The following TAS1R1 variants were observed in gnomAD, a reference collection of about 807,000 sequenced individuals.
TAS1R1 encodes the protein taste 1 receptor member 1, also known as taste receptor type 1 member 1.
A neutral mutation model predicts 45.8 loss-of-function variants in TAS1R1; 31 were observed. The ratio of observed to expected loss-of-function variants is 0.68; its 90% CI spans 0.51 to 0.91. The LOEUF (loss-of-function observed/expected upper bound fraction) is 0.91. Ranked by LOEUF, TAS1R1 falls within the 40% of genes least tolerant of loss-of-function variation. The probability of loss-of-function intolerance (pLI) is 0.00; values close to 1 mark genes in which losing one functional copy is unlikely to be tolerated. For missense variants in TAS1R1, 1,051 were observed against 1,063.9 expected (o/e 0.99, Z 0.17); for synonymous variants, 437 against 448.4 (o/e 0.97, Z 0.32).
chr1:6,558,040 T>TG (rs1639715727), intron 1 of TAS1R1, among the ~76,000 whole-genome samples: 1 of 148,200 alleles, frequency 6.7e-6, no homozygotes, highest in African/African-American at 2.6e-5. Flanking sequence ...TGGTTAGTTT[T>TG]TGTTTTTGTT....
intron 3 of TAS1R1, among the ~76,000 whole-genome samples, chr1:6,575,694 T>TC (rs1557810140): frequency 5.0e-5 from 3 of 59,672 alleles, no homozygotes; most frequent in Non-Finnish European, 4.2e-5. Flanking sequence ...AATTTTTCTT[T>TC]TCTTTTTTTT....
At chr1:6,572,620 C>A (rs1640047703) in intron 2 of TAS1R1, among the ~76,000 whole-genome samples, 1 of 152,060 alleles carries the variant, frequency 6.6e-6, no homozygotes, top group South Asian at 2.1e-4. Context: ...CCCCCCTCAG[C>A]CCCCTGCCCC....
chr1:6,578,334 C>G (rs912186970), intron 5 of TAS1R1, among the ~76,000 whole-genome samples: 6 of 152,314 alleles, frequency 3.9e-5, no homozygotes, highest in African/African-American at 1.4e-4. Context: ...CCCTTGGGAG[C>G]AGGCTGCTCC....
intron 1 of TAS1R1, among the ~76,000 whole-genome samples, chr1:6,559,926 G>A (rs936782385): frequency 1.9e-4 from 29 of 150,610 alleles, no homozygotes; most frequent in Non-Finnish European, 1.6e-4. Flanking sequence ...GTGGGTGGAG[G>A]TTGCAATGAG....
rs760042477 is a variant in TAS1R1 at position 6,579,427 on chromosome 1, C to T, written c.2369C>T (p.Ala790Val). The T allele has an allele frequency of 1.9e-6, 3 of 1,613,948 alleles. No homozygotes were observed. The highest frequency in any genetic ancestry group is 1.1e-5 in the South Asian group (1 of 91,086). The change falls in exon 6 of 6, where the codon GCG becomes GTG. Residue 790 changes from alanine (A) to valine (V), a missense_variant. By Grantham distance (64) the Ala-to-Val change is moderately conservative. Coordinates refer to ENST00000333172, the MANE Select transcript of TAS1R1 (RefSeq NM_138697.4). Reference protein sequence around the residue: ...ASVYDGKYLPAANMMAGLSSL... With the variant: ...ASVYDGKYLPVANMMAGLSSL... ...GTCTACGACGGCAAGTACCTGCCTGCGGCCAACATGATGGCTGGGCTGAGC... is the reference window on the plus strand; with the variant it reads ...GTCTACGACGGCAAGTACCTGCCTGTGGCCAACATGATGGCTGGGCTGAGC...
chr1:6,579,685 G>A lies in TAS1R1; in HGVS notation c.*101G>A. On this transcript the variant is annotated 3_prime_UTR_variant, in exon 6 of 6. Transcript: ENST00000333172. ...GGAGGTCTTTGGGCATCGCGGTCTG[G>A]GGTTGGGACGTGTAAGCGCCTGGGA... 6.8e-7 allele frequency: 1 copy of A among 1,468,156 alleles called. No homozygotes were observed. Among genetic ancestry groups the A allele is most frequent in the South Asian group, 1.4e-5 (1 of 72,590 alleles). The allele number at this position is 1,468,156 out of a possible 1,614,324, so 90.9% of individuals were successfully genotyped here.
At chr1:6,572,067 T>C (rs1161287734) in intron 2 of TAS1R1, among the ~76,000 whole-genome samples, 1 of 151,982 alleles carries the variant, frequency 6.6e-6, no homozygotes, top group Non-Finnish European at 1.5e-5. Flanking sequence ...CCCTCATTCC[T>C]CTCCCTCTTC....
intron 1 of TAS1R1, among the ~76,000 whole-genome samples, chr1:6,557,018 A>G (rs1639699415): frequency 6.6e-6 from 1 of 151,304 alleles, no homozygotes; most frequent in South Asian, 2.1e-4. Flanking sequence ...CAAAAAAAAA[A>G]AAAAAAAAAA....
At position 6,574,918 on chromosome 1, in the gene TAS1R1, C is replaced by A; in HGVS notation, c.786C>A (p.His262Gln). The A allele has an allele frequency of 6.2e-7, 1 of 1,613,962 alleles. No homozygotes were observed. The highest frequency in any genetic ancestry group is 1.3e-5 in the African/African-American group (1 of 75,074). Reference protein sequence around the residue: ...GDERMQCLMRHLAQAGATVVV... With the variant: ...GDERMQCLMRQLAQAGATVVV... ...AGAGGATGCAGTGCCTCATGCGCCACCTGGCCCAGGCCGGGGCCACCGTCG... is the reference window on the plus strand; with the variant it reads ...AGAGGATGCAGTGCCTCATGCGCCAACTGGCCCAGGCCGGGGCCACCGTCG... Residue 262 changes from histidine (H) to glutamine (Q), a missense_variant, in exon 3 of 6, where the codon CAC becomes CAA. Physicochemically the swap from His to Gln is conservative, Grantham distance 24 (BLOSUM62 0). Coordinates refer to ENST00000333172, the MANE Select transcript of TAS1R1 (RefSeq NM_138697.4). The surrounding 1 kb of genome is among the most constrained non-coding windows in gnomAD (Gnocchi z 4.3).
chr1:6,566,251 G>C lies in TAS1R1; in HGVS notation c.192-4658G>C, dbSNP rs148199426. ...GAGTTGCTGTGATTGGAGGGTGTCA[G>C]GGTCAGTCCAGGTGAAGGCAAAGAG... is the stretch of plus-strand genomic sequence containing the variant. On this transcript the variant is annotated intron_variant, in intron 1 of 5. Transcript: ENST00000333172. Among the ~76,000 whole-genome samples, 595 of 152,304 alleles carry C rather than the reference G, an allele frequency of 3.9e-3. 2 individuals are homozygous for C. Among genetic ancestry groups the C allele is most frequent in the Non-Finnish European group, 6.0e-3 (408 of 68,028 alleles).
rs1570141417 is a variant in TAS1R1 at position 6,578,735 on chromosome 1, T to C, written c.1677T>C (p.Phe559=). ...CCTGCTTCCCGCGCACTGTGGTGTT[T>C]TTGGCTTTGCGTGAGCACACCTCTT... is the stretch of plus-strand genomic sequence containing the variant. ...SQTCFPRTVV[F]LALREHTSWV... The change falls in exon 6 of 6, where the codon TTT becomes TTC. Residue 559 remains phenylalanine, a synonymous_variant. Coordinates refer to ENST00000333172, the MANE Select transcript of TAS1R1 (RefSeq NM_138697.4). The C allele has an allele frequency of 4.3e-6, 7 of 1,613,782 alleles. No individual in the cohort carries two copies. The highest frequency in any genetic ancestry group is 5.9e-6 in the Non-Finnish European group (7 of 1,179,820).
chr1:6,566,420 A>G (rs1483577581), intron 1 of TAS1R1, among the ~76,000 whole-genome samples: 1 of 152,180 alleles, frequency 6.6e-6, no homozygotes, highest in Non-Finnish European at 1.5e-5. Flanking sequence ...CTGCCTGATT[A>G]ATGGCTTGGA....
In TAS1R1 at chr1:6,579,613, C is replaced by A; in HGVS notation, c.*29C>A. The A allele has an allele frequency of 6.3e-7, 1 of 1,576,618 alleles. No individual in the cohort carries two copies. The highest frequency in any genetic ancestry group is 8.6e-7 in the Non-Finnish European group (1 of 1,165,610). ...GTGGGTCAGCAGGCACGGCTGGCAG[C>A]CTTCTCTGCCCTGAGGGTCGAAGGT... On this transcript the variant is annotated 3_prime_UTR_variant, in exon 6 of 6. Transcript: ENST00000333172.
chr1:6,564,709 GGAGATCAAATCTAGGGATGATATCT>G (rs1639845641), intron 1 of TAS1R1, among the ~76,000 whole-genome samples: 1 of 152,186 alleles, frequency 6.6e-6, no homozygotes, highest in Non-Finnish European at 1.5e-5. Flanking sequence ...ATGGAGCAAG[GGAGATCAAATCTAGGGATGATATCT>G]GCTATAAGAA....
intron 1 of TAS1R1, among the ~76,000 whole-genome samples, chr1:6,567,668 C>G (rs1639899944): frequency 6.6e-6 from 1 of 152,134 alleles, no homozygotes; most frequent in South Asian, 2.1e-4. Context: ...GGCCCTGGGC[C>G]TCGTTCATCT....
intron 1 of TAS1R1, among the ~76,000 whole-genome samples, chr1:6,570,370 A>G (rs545752775): frequency 1.3e-5 from 2 of 150,322 alleles, no homozygotes; most frequent in African/African-American, 4.9e-5. Flanking sequence ...AAAGGAGGGG[A>G]TGGAGAAAAA....
rs191079210 is a variant in TAS1R1 at position 6,568,264 on chromosome 1, A to G, written c.192-2645A>G. Among the ~76,000 whole-genome samples the G allele has an allele frequency of 4.6e-4, 70 of 152,072 alleles. No homozygotes were observed. In the East Asian group the frequency reaches 8.5e-3, roughly 19 times the overall value. On this transcript the variant is annotated intron_variant, in intron 1 of 5. Coordinates refer to ENST00000333172, the MANE Select transcript of TAS1R1 (RefSeq NM_138697.4). ...GGATATTGAGACCATCCTGGCTAAC[A>G]TGGTGAAACCCCATCTCTACTAAAA...
At chr1:6,560,900 C>T (rs1287201192) in intron 1 of TAS1R1, among the ~76,000 whole-genome samples, 2 of 142,910 alleles carry the variant, frequency 1.4e-5, no homozygotes, top group African/African-American at 5.2e-5. Flanking sequence ...AGGAGAATGG[C>T]GTGAACCCAG....
intron 4 of TAS1R1, among the ~76,000 whole-genome samples, 157 bp downstream of exon 4, chr1:6,576,784 C>T (rs1306744864): frequency 6.6e-6 from 1 of 152,258 alleles, no homozygotes; most frequent in Non-Finnish European, 1.5e-5. Context: ...GGAAGACACT[C>T]CGTAGGCGAG....
Sources: allele counts gnomAD v4.1 joint callset (sites outside exome capture counted in the v4.1 genomes callset), GRCh38; gene constraint gnomAD v4.1.1; non-coding constraint Gnocchi (gnomAD v3.1); transcripts MANE v1.5; gene names NCBI Gene and HGNC (gene_info 2026-07-23, HGNC 2026-07-21).